Variants in GRXCR1 observed in about 807,000 individuals in gnomAD.
The protein encoded by GRXCR1 is glutaredoxin domain-containing cysteine-rich protein 1.
Under a neutral mutation model 27.3 loss-of-function variants are expected in GRXCR1, and 27 were observed. The ratio of observed to expected loss-of-function variants is 0.99; its 90% CI spans 0.73 to 1.37. GRXCR1 has a LOEUF of 1.37. Among genes scored for constraint, GRXCR1 ranks in the 40% most tolerant of loss-of-function variants. The pLI is 0.00. For synonymous variants in GRXCR1, 122 were observed against 131.1 expected (o/e 0.93, Z 0.47); for missense variants, 379 against 354.4 (o/e 1.07, Z -0.56).
chr4:42,985,968 A>G (rs1383766958), intron 2 of GRXCR1, among the ~76,000 whole-genome samples: 2 of 152,218 alleles, frequency 1.3e-5, no homozygotes, highest in Non-Finnish European at 2.9e-5. Flanking sequence ...ACATCTAGTT[A>G]TTGCCATGAT....
chr4:42,947,839 C>T (rs1311600771), intron 1 of GRXCR1, among the ~76,000 whole-genome samples: 2 of 152,160 alleles, frequency 1.3e-5, no homozygotes, highest in African/African-American at 2.4e-5. Context: ...TGTTAACCTT[C>T]CTTTACAAAA....
intron 2 of GRXCR1, among the ~76,000 whole-genome samples, chr4:42,979,280 C>T (rs552462114): frequency 6.6e-6 from 1 of 152,108 alleles, no homozygotes; most frequent in African/African-American, 2.4e-5. Flanking sequence ...GAGGGACAGC[C>T]TTCATCTTTT....
At chr4:42,897,576 A>T (rs1746373158) in intron 1 of GRXCR1, among the ~76,000 whole-genome samples, 1 of 152,066 alleles carries the variant, frequency 6.6e-6, no homozygotes, top group South Asian at 2.1e-4. Context: ...ATATTTCAAG[A>T]CAAATGAAAT....
chr4:42,960,675 C>T (rs1748112256), intron 1 of GRXCR1, among the ~76,000 whole-genome samples: 1 of 151,248 alleles, frequency 6.6e-6, no homozygotes, highest in South Asian at 2.1e-4. Context: ...ACTTAATCTT[C>T]TCAGCAAACT....
At chr4:42,950,867 T>A (rs538383387) in intron 1 of GRXCR1, among the ~76,000 whole-genome samples, 54 of 152,292 alleles carry the variant, frequency 3.5e-4, no homozygotes, top group African/African-American at 1.2e-3. Context: ...TTGTATAATA[T>A]CTATGTCTAT....
At chr4:42,998,049 A>G (rs1280599295) in intron 2 of GRXCR1, among the ~76,000 whole-genome samples, 2 of 152,186 alleles carry the variant, frequency 1.3e-5, no homozygotes, top group African/African-American at 2.4e-5. Flanking sequence ...GTCAGGCACA[A>G]TGGTCCTTCC....
intron 2 of GRXCR1, among the ~76,000 whole-genome samples, chr4:42,982,010 A>G (rs1286491594): frequency 6.6e-6 from 1 of 151,206 alleles, no homozygotes; most frequent in Non-Finnish European, 1.5e-5. Context: ...TTCTGCTATT[A>G]TTGCTTTAAA....
intron 2 of GRXCR1, among the ~76,000 whole-genome samples, 173 bp downstream of exon 2, chr4:42,963,307 G>A (rs371446040): frequency 1.3e-5 from 2 of 152,078 alleles, no homozygotes; most frequent in East Asian, 1.9e-4. Flanking sequence ...AGCTGCCACA[G>A]TGCTCCTCCC....
At chr4:42,926,560 A>C (rs896419410) in intron 1 of GRXCR1, among the ~76,000 whole-genome samples, 1 of 151,786 alleles carries the variant, frequency 6.6e-6, no homozygotes, top group Non-Finnish European at 1.5e-5. Flanking sequence ...TTCCTGTTAC[A>C]TTTGAATGCT....
intron 1 of GRXCR1, among the ~76,000 whole-genome samples, chr4:42,923,193 C>T (rs770670894): frequency 6.6e-6 from 1 of 152,080 alleles, no homozygotes; most frequent in Non-Finnish European, 1.5e-5. Context: ...CCCTGCCTTC[C>T]CAGGCTAACA....
In GRXCR1 at chr4:42,980,237, G is replaced by A. The variant is rs142929882; in HGVS notation, c.627+17103G>A. Among the ~76,000 whole-genome samples, 233 of 148,006 alleles carry A rather than the reference G, an allele frequency of 1.6e-3. 1 individual carries two copies. The highest frequency in any genetic ancestry group is 4.9e-3 in the African/African-American group (202 of 41,354). On this transcript the variant is annotated intron_variant, in intron 2 of 3. Transcript: ENST00000399770. ...GTTTCTTGAAGTGTAACATTAGGTT[G>A]TTTATTTGAGATCTTTCTTCTTTGA...
At chr4:42,925,017 T>C (rs977965205) in intron 1 of GRXCR1, among the ~76,000 whole-genome samples, 7 of 151,908 alleles carry the variant, frequency 4.6e-5, no homozygotes, top group African/African-American at 1.7e-4. Context: ...CAGATAATAG[T>C]TATATTATAT....
intron 2 of GRXCR1, among the ~76,000 whole-genome samples, chr4:42,972,538 T>C (rs573312715): frequency 6.6e-6 from 1 of 152,170 alleles, no homozygotes; most frequent in Non-Finnish European, 1.5e-5. Flanking sequence ...CCTGGATAAC[T>C]CAGGATAGTT....
intron 1 of GRXCR1, among the ~76,000 whole-genome samples, chr4:42,905,130 GA>G (rs1414764343): frequency 1.3e-5 from 2 of 152,162 alleles, no homozygotes; most frequent in Non-Finnish European, 2.9e-5. Flanking sequence ...CTCTCTTGGA[GA>G]TCCTGTCTTG....
At chr4:42,910,054 A>G (rs1195303086) in intron 1 of GRXCR1, among the ~76,000 whole-genome samples, 1 of 152,172 alleles carries the variant, frequency 6.6e-6, no homozygotes, top group African/African-American at 2.4e-5. Context: ...CAGGAAGCTT[A>G]CAATCATAGC....
chr4:42,988,335 G>A lies in GRXCR1; in HGVS notation c.627+25201G>A, dbSNP rs145340190. On this transcript the variant is annotated intron_variant, in intron 2 of 3. Transcript: ENST00000399770. ...TGATGCAGAGTGACACCACATTTCC[G>A]TCATTTCTCAGGTAAAAGATATAAT... Among the ~76,000 whole-genome samples, 30 of 152,128 alleles carry A rather than the reference G, an allele frequency of 2.0e-4. No homozygotes were observed. In the East Asian group the frequency reaches 4.4e-3, roughly 23 times the overall value.
At chr4:42,978,552 G>A (rs1398863426) in intron 2 of GRXCR1, among the ~76,000 whole-genome samples, 58 of 151,686 alleles carry the variant, frequency 3.8e-4, no homozygotes, top group Admixed American at 3.4e-3. Flanking sequence ...CTTTATTTTT[G>A]TAACTTATAT....
rs556400706 is a variant in GRXCR1 at position 42,958,203 on chromosome 4, G to T, written c.385-4689G>T. On this transcript the variant is annotated intron_variant, in intron 1 of 3. Transcript: ENST00000399770. ...AACTTTGCTTCTTAACCCTTGCTAT[G>T]TGTCTCTTGGCTGAATTCTTTCTTT... Among the ~76,000 whole-genome samples the T allele has an allele frequency of 3.9e-5, 6 of 152,124 alleles. No homozygotes were observed. In the South Asian group the frequency reaches 1.2e-3, roughly 32 times the overall value.
chr4:42,919,410 T>C (rs1394217896), intron 1 of GRXCR1, among the ~76,000 whole-genome samples: 2 of 152,176 alleles, frequency 1.3e-5, no homozygotes, highest in African/African-American at 4.8e-5. Context: ...ATGGGGCAGC[T>C]TCTTAGTCTA....
Sources: allele counts gnomAD v4.1 joint callset (sites outside exome capture counted in the v4.1 genomes callset), GRCh38; gene constraint gnomAD v4.1.1; transcripts MANE v1.5; gene names NCBI Gene and HGNC (gene_info 2026-07-23, HGNC 2026-07-21).